MYO18A: variants seen among roughly 807,000 people sequenced by gnomAD.
MYO18A encodes the protein myosin XVIIIA.
MYO18A carries 78 observed loss-of-function variants against 235.8 expected under a neutral mutation model. That is an observed-to-expected ratio of 0.33 (90% CI 0.28 to 0.40). MYO18A has a LOEUF of 0.40. MYO18A is among the 10% of genes least tolerant of loss of function. The pLI is 1.00. For missense variants in MYO18A, 2,215 were observed against 2,699.3 expected (o/e 0.82, Z 3.98); for synonymous variants, 977 against 1,077.8 (o/e 0.91, Z 1.83).
intron 41 of MYO18A, chr17:29,075,656 C>G (rs1158046818): frequency 6.0e-6 from 1 of 166,202 alleles, no homozygotes; most frequent in Non-Finnish European, 1.5e-5. Context: ...GCCTCTTCCC[C>G]CTGATGGAGC....
chr17:29,140,327 G>A lies in MYO18A; in HGVS notation c.1000-18074C>T. ...GGGACATTTCCGGGGTGGGGGGTCA[G>A]AGGGACACTCACCCGCATGGCCTGG... On this transcript the variant is annotated intron_variant, in intron 2 of 41. Transcript: ENST00000527372. The surrounding 1 kb of genome is among the most constrained non-coding windows in gnomAD (Gnocchi z 4.2). The A allele has an allele frequency of 7.9e-7, 1 of 1,259,820 alleles. No homozygotes were observed. The highest frequency in any genetic ancestry group is 1.0e-6 in the Non-Finnish European group (1 of 975,432). The allele number at this position is 1,259,820 out of a possible 1,614,324, so 78.0% of individuals were successfully genotyped here. A position where few individuals can be genotyped will look rare whatever the true frequency, so the allele number is the denominator to read the frequency against.
At chr17:29,105,576 G>A (rs966844588) in intron 20 of MYO18A, among the ~76,000 whole-genome samples, 3 of 152,156 alleles carry the variant, frequency 2.0e-5, no homozygotes, top group East Asian at 1.9e-4. Flanking sequence ...GAAGGGGTAC[G>A]GGAAGAAGGA....
intron 41 of MYO18A, among the ~76,000 whole-genome samples, chr17:29,079,040 G>A (rs958731098): frequency 2.0e-5 from 3 of 152,170 alleles, no homozygotes; most frequent in African/African-American, 7.2e-5. Context: ...ATCTATGCCA[G>A]AGAGGAAGGT....
intron 1 of MYO18A, 57 bp from the exon 2 acceptor site, chr17:29,167,078 C>T (rs1052114461): frequency 3.2e-6 from 4 of 1,250,496 alleles, no homozygotes; most frequent in African/African-American, 3.0e-5. Flanking sequence ...CATGTGTCTC[C>T]AGTCCAGACA....
chr17:29,120,897 G>A lies in MYO18A; in HGVS notation c.1585+101C>T, dbSNP rs927950165. The A allele has an allele frequency of 6.4e-6, 10 of 1,557,582 alleles. No individual in the cohort carries two copies. The African/African-American group carries it at 1.1e-4, about 17-fold the overall frequency. ...TGGACAGAGGGGTTTCGGGGGGATG[G>A]AAAGGCCAGGGAGAAAAAGAGCTGG... On this transcript the variant is annotated intron_variant, in intron 6 of 41. Coordinates refer to ENST00000527372, the MANE Select transcript of MYO18A (RefSeq NM_078471.4). This position sits in a 1 kb window ranked among gnomAD's most constrained non-coding sequence, Gnocchi z 4.2.
chr17:29,121,522 C>T lies in MYO18A; in HGVS notation c.1371+25G>A. Reference sequence around the variant, plus strand: ...GGCAGGGGGTGGGACCAGGAGTCTGCAGGGTAGCCTTGAGGGTGCTGCACC... The same window carrying T: ...GGCAGGGGGTGGGACCAGGAGTCTGTAGGGTAGCCTTGAGGGTGCTGCACC... On this transcript the variant is annotated intron_variant, in intron 5 of 41. Coordinates refer to ENST00000527372, the MANE Select transcript of MYO18A (RefSeq NM_078471.4). This position sits in a 1 kb window ranked among gnomAD's most constrained non-coding sequence, Gnocchi z 4.2. The T allele has an allele frequency of 1.3e-6, 2 of 1,577,282 alleles. No individual in the cohort carries two copies. Among genetic ancestry groups the T allele is most frequent in the Non-Finnish European group, 1.7e-6 (2 of 1,160,966 alleles).
At chr17:29,113,165 G>A (rs1043209721) in intron 15 of MYO18A, among the ~76,000 whole-genome samples, 4 of 152,180 alleles carry the variant, frequency 2.6e-5, no homozygotes, top group South Asian at 2.1e-4. Flanking sequence ...GGGGAGATGC[G>A]GTGCTTGGGC....
Position 29,121,761 on chromosome 17 carries a change from A to C in MYO18A, c.1195-38T>G, listed in dbSNP as rs1284665370. 1 of 1,594,382 alleles carries C rather than the reference A, an allele frequency of 6.3e-7. No homozygotes were observed. Among genetic ancestry groups the C allele is most frequent in the Middle Eastern group, 1.7e-4 (1 of 6,016 alleles). On this transcript the variant is annotated intron_variant, in intron 4 of 41. Coordinates refer to ENST00000527372, the MANE Select transcript of MYO18A (RefSeq NM_078471.4). This position sits in a 1 kb window ranked among gnomAD's most constrained non-coding sequence, Gnocchi z 4.2. ...ACAGGCGGGTGGGTATTAGAGCAGC[A>C]GAGCCCATCTCCGCTGCCAGAGGAT... is the stretch of plus-strand genomic sequence containing the variant.
intron 20 of MYO18A, among the ~76,000 whole-genome samples, chr17:29,103,901 G>A (rs982384822): frequency 4.6e-5 from 7 of 152,268 alleles, no homozygotes; most frequent in African/African-American, 1.7e-4. Flanking sequence ...AGTGCCCACA[G>A]GAGGTCGCAC....
At chr17:29,169,449 G>A (rs1194474857) in intron 1 of MYO18A, among the ~76,000 whole-genome samples, 5 of 152,182 alleles carry the variant, frequency 3.3e-5, no homozygotes, top group Non-Finnish European at 5.9e-5. Context: ...CCTTGGCCAG[G>A]TAGGTCTGGA....
Position 29,118,347 on chromosome 17 carries a change from CTGGCAACCCA to C in MYO18A, c.1893+20_1893+29del. On this transcript the variant is annotated intron_variant, in intron 9 of 41. Transcript: ENST00000527372. This position sits in a 1 kb window ranked among gnomAD's most constrained non-coding sequence, Gnocchi z 4.2. ...CTTCTCCTACCCCCAAGGCCCAGGG[CTGGCAACCCA>C]GACCCCACAGACCCCTCACCTTGGC... is the stretch of plus-strand genomic sequence containing the variant. The C allele has an allele frequency of 6.3e-7, 1 of 1,594,056 alleles. No individual in the cohort carries two copies. The highest frequency in any genetic ancestry group is 8.6e-7 in the Non-Finnish European group (1 of 1,165,204).
Position 29,074,765 on chromosome 17 carries a change from CT to C in MYO18A, c.*4del, listed in dbSNP as rs773989283. The C allele has an allele frequency of 6.2e-7, 1 of 1,613,934 alleles. No individual in the cohort carries two copies. The highest frequency in any genetic ancestry group is 1.3e-5 in the African/African-American group (1 of 75,040). ...GGTGAGAGGGCTGCCAACCACTCCC[CT>C]GGGCTATGCGTTAGTCTCCGTCAGC... is the stretch of plus-strand genomic sequence containing the variant. On this transcript the variant is annotated 3_prime_UTR_variant, in exon 42 of 42. Transcript: ENST00000527372. This position sits in a 1 kb window ranked among gnomAD's most constrained non-coding sequence, Gnocchi z 4.4.
At chr17:29,098,253 A>T (rs768602291) in intron 24 of MYO18A, 29 bp from the exon 25 acceptor site, 2 of 1,613,484 alleles carry the variant, frequency 1.2e-6, no homozygotes, top group Non-Finnish European at 1.7e-6. Context: ...AGTCACCACC[A>T]GTTGAAGTGC....
intron 37 of MYO18A, among the ~76,000 whole-genome samples, chr17:29,088,256 G>A (rs575040746): frequency 2.0e-4 from 30 of 151,970 alleles, no homozygotes; most frequent in Middle Eastern, 3.4e-3. Flanking sequence ...GGGTTTCACC[G>A]TGTTAGCCAG....
In MYO18A at chr17:29,115,851, GA is replaced by G; in HGVS notation, c.2051-12del. 1.9e-6 allele frequency: 3 copies of G among 1,568,012 alleles called. No individual in the cohort carries two copies. Among genetic ancestry groups the G allele is most frequent in the Admixed American group, 1.9e-5 (1 of 51,944 alleles). ...ACTGCTTGCGCCCAGCTGTGGAGTG[GA>G]AAAAGGGATCTGGCATCCTGGGTCT... On this transcript the variant is annotated splice_polypyrimidine_tract_variant and intron_variant, in intron 11 of 41. Transcript: ENST00000527372.
At chr17:29,098,249 C>A (rs1454859256) in intron 24 of MYO18A, 25 bp from the exon 25 acceptor site, 2 of 1,613,560 alleles carry the variant, frequency 1.2e-6, no homozygotes, top group Non-Finnish European at 1.7e-6. Context: ...AGGGAGTCAC[C>A]ACCAGTTGAA....
chr17:29,110,287 A>C, intron 18 of MYO18A, 149 bp downstream of exon 18: 1 of 1,261,058 alleles, frequency 7.9e-7, no homozygotes, highest in Admixed American at 2.7e-5. Flanking sequence ...GCAGCACTGA[A>C]AAGAAGACCC....
intron 37 of MYO18A, among the ~76,000 whole-genome samples, chr17:29,089,043 CT>C (rs1314903565): frequency 2.1e-5 from 2 of 97,506 alleles, no homozygotes; most frequent in Non-Finnish European, 3.7e-5. Flanking sequence ...GAGACCCTAT[CT>C]CAAAAAAAAA....
chr17:29,093,335 G>C lies in MYO18A; in HGVS notation c.4914C>G (p.Thr1638=), dbSNP rs377091552. 2.0e-5 allele frequency: 33 copies of C among 1,611,654 alleles called. No individual in the cohort carries two copies. The highest frequency in any genetic ancestry group is 2.7e-5 in the Non-Finnish European group (32 of 1,179,550). ...AGCATCCCCTGACCTGGTCGCTGAG[G>C]GTGGCGAGCTTGCCCTCCAGCTCCC... The part of the protein sequence containing the change: ...EKRELEGKLA[T]LSDQVNRRDF... Residue 1638 remains threonine (T), a synonymous_variant, in exon 32 of 42, where the codon ACC becomes ACG. Transcript: ENST00000527372.
Sources: gnomAD v4.1 joint callset for allele counts (sites outside exome capture counted in the v4.1 genomes callset) on GRCh38, gnomAD v4.1.1 for gene constraint, Gnocchi (gnomAD v3.1) non-coding constraint, MANE v1.5 for transcripts, NCBI Gene and HGNC (gene_info 2026-07-23, HGNC 2026-07-21) for gene names.